NUP205: variants seen among roughly 807,000 people sequenced by gnomAD.
NUP205 encodes nuclear pore complex protein Nup205.
Under a neutral mutation model 253.8 loss-of-function variants are expected in NUP205, and 76 were observed. That is an observed-to-expected ratio of 0.30 (90% CI 0.25 to 0.36). NUP205 has a LOEUF of 0.36. Ranked by LOEUF, NUP205 falls within the 10% of genes least tolerant of loss-of-function variation. NUP205 has a pLI of 1.00. For synonymous variants in NUP205, 832 were observed against 850.1 expected (o/e 0.98, Z 0.37); for missense variants, 2,162 against 2,425.5 (o/e 0.89, Z 2.28).
At chr7:135,565,295 C>G (rs1805719977) in intron 1 of NUP205, among the ~76,000 whole-genome samples, 1 of 152,118 alleles carries the variant, frequency 6.6e-6, no homozygotes, top group African/African-American at 2.4e-5. Context: ...AGGTATATTT[C>G]AGATTTGCAT....
At chr7:135,583,766 A>G (rs997024122) in intron 7 of NUP205, among the ~76,000 whole-genome samples, 2 of 152,122 alleles carry the variant, frequency 1.3e-5, no homozygotes, top group Non-Finnish European at 2.9e-5. Context: ...CTCAAAAAAT[A>G]AAATAAAATA....
intron 13 of NUP205, among the ~76,000 whole-genome samples, chr7:135,596,406 G>C (rs1396777200): frequency 6.6e-6 from 1 of 152,150 alleles, no homozygotes; most frequent in Non-Finnish European, 1.5e-5. Flanking sequence ...ACCAATACTT[G>C]CTAGTGTCTT....
At chr7:135,629,902 A>G (rs1011535696) in intron 34 of NUP205, among the ~76,000 whole-genome samples, 7 of 152,210 alleles carry the variant, frequency 4.6e-5, no homozygotes, top group African/African-American at 1.7e-4. Flanking sequence ...TCCCCATGTC[A>G]TGCTAGTTAC....
At chr7:135,602,293 C>T (rs567817422) in intron 17 of NUP205, among the ~76,000 whole-genome samples, 5 of 152,264 alleles carry the variant, frequency 3.3e-5, no homozygotes, top group Non-Finnish European at 4.4e-5. Flanking sequence ...CTATTTTCTG[C>T]GTTATTTTCC....
chr7:135,634,754 T>C (rs1584689545), intron 35 of NUP205, among the ~76,000 whole-genome samples: 1 of 151,972 alleles, frequency 6.6e-6, no homozygotes, highest in Non-Finnish European at 1.5e-5. Context: ...CGGATAGAGG[T>C]ATAACGAGCC....
At chr7:135,590,382 G>T (rs1400642030) in intron 10 of NUP205, among the ~76,000 whole-genome samples, 4 of 152,074 alleles carry the variant, frequency 2.6e-5, no homozygotes, top group Non-Finnish European at 5.9e-5. Context: ...CCAAAGTGCT[G>T]CGATTACAGG....
Position 135,625,144 on chromosome 7 carries a change from T to G in NUP205, c.4480-20T>G. The G allele has an allele frequency of 1.2e-6, 2 of 1,600,396 alleles. No homozygotes were observed. On this transcript the variant is annotated intron_variant, in intron 31 of 42. Transcript: ENST00000285968. The stretch of plus-strand genomic sequence containing the variant: ...TGGTAGCATCTACATGTTTTGGACT[T>G]TAATTTATTCTTCCTTCAGATGCTG...
At position 135,587,648 on chromosome 7, in the gene NUP205, C is replaced by T; in HGVS notation, c.1292C>T (p.Pro431Leu). 5 of 1,609,806 alleles carry T rather than the reference C, an allele frequency of 3.1e-6. 1 individual carries two copies. Among genetic ancestry groups the T allele is most frequent in the Middle Eastern group, 3.3e-4 (2 of 6,036 alleles). The change falls in exon 9 of 43, where the codon CCC (proline) becomes CTC (leucine). Residue 431 changes from proline (P) to leucine (L), a missense_variant. Coordinates refer to ENST00000285968, the MANE Select transcript of NUP205 (RefSeq NM_015135.3). ...ATGAGTATGCAGATGGGTAATGAAC[C>T]CCCCATTTCACTTAGAAGGGACCTG... Reference protein sequence around the residue: ...IHMSMQMGNEPPISLRRDLEH... With the variant: ...IHMSMQMGNELPISLRRDLEH...
At position 135,573,639 on chromosome 7, in the gene NUP205, A is replaced by G. The variant is rs764819934; in HGVS notation, c.172-15A>G. On this transcript the variant is annotated splice_polypyrimidine_tract_variant and intron_variant, in intron 2 of 42. Coordinates refer to ENST00000285968, the MANE Select transcript of NUP205 (RefSeq NM_015135.3). ...GTGTGCTATTTTCATAACAATTACA[A>G]TTTTATCATTGTAGCCAAAAAATGT... 43 of 1,603,924 alleles carry G rather than the reference A, an allele frequency of 2.7e-5. No individual in the cohort carries two copies. The highest frequency in any genetic ancestry group is 5.4e-5 in the African/African-American group (4 of 74,376).
At chr7:135,613,707 T>C (rs1382018301) in intron 22 of NUP205, 1 of 152,006 alleles carries the variant, frequency 6.6e-6, no homozygotes, top group Non-Finnish European at 1.5e-5. Flanking sequence ...TGGCTAATTT[T>C]TGTATTTTTA....
intron 31 of NUP205, among the ~76,000 whole-genome samples, chr7:135,623,190 A>C (rs1382486420): frequency 6.6e-6 from 1 of 152,054 alleles, no homozygotes; most frequent in East Asian, 1.9e-4. Flanking sequence ...GAGGTGGGAA[A>C]ATTGCATGAG....
intron 10 of NUP205, 86 bp downstream of exon 10, chr7:135,588,078 T>C (rs1806522886): frequency 4.1e-6 from 5 of 1,205,954 alleles, no homozygotes; most frequent in Non-Finnish European, 5.6e-6. Context: ...CCTGATTTTA[T>C]TGCTGTTAAC....
chr7:135,561,547 A>C (rs935225943), intron 1 of NUP205, among the ~76,000 whole-genome samples: 2 of 152,154 alleles, frequency 1.3e-5, no homozygotes, highest in African/African-American at 4.8e-5. Context: ...AGACCTTTCT[A>C]CACTCTTCAA....
chr7:135,562,151 A>G (rs528438151), intron 1 of NUP205, among the ~76,000 whole-genome samples: 228 of 152,026 alleles, frequency 1.5e-3, no homozygotes, highest in African/African-American at 4.8e-3. Flanking sequence ...ACAGCTCTCA[A>G]TAGGGTTAAC....
intron 34 of NUP205, 97 bp from the exon 35 acceptor site, chr7:135,630,247 C>A: frequency 1.1e-6 from 1 of 877,932 alleles, no homozygotes; most frequent in African/African-American, 1.7e-5. Context: ...TTGAAGGTTA[C>A]TTCCTTCAAC....
At chr7:135,569,303 C>G (rs1443329947) in intron 1 of NUP205, among the ~76,000 whole-genome samples, 1 of 152,140 alleles carries the variant, frequency 6.6e-6, no homozygotes, top group East Asian at 1.9e-4. Context: ...AAACTCCTGA[C>G]CTCAGGTGAT....
chr7:135,596,419 G>A (rs1301137552), intron 13 of NUP205, among the ~76,000 whole-genome samples: 1 of 152,074 alleles, frequency 6.6e-6, no homozygotes, highest in Non-Finnish European at 1.5e-5. Flanking sequence ...AGTGTCTTAC[G>A]GGCTTAGTGC....
intron 30 of NUP205, among the ~76,000 whole-genome samples, chr7:135,620,742 A>G (rs527633842): frequency 5.9e-5 from 9 of 152,342 alleles, no homozygotes; most frequent in African/African-American, 2.2e-4. Flanking sequence ...AAAGATTCAA[A>G]TGAATGACCT....
In NUP205 at chr7:135,647,792, A is replaced by T. The variant is rs539080869; in HGVS notation, c.5887-612A>T. 2.0e-3 allele frequency among the ~76,000 whole-genome samples: 300 copies of T among 147,408 alleles called. 1 individual carries two copies. The highest frequency in any genetic ancestry group is 7.0e-3 in the African/African-American group (287 of 41,072). Reference sequence around the variant, plus strand: ...TTGTGATTTTAATGCAAAACTGAAAACAGGTAGATTGATCTAATATTGTAC... The same window carrying T: ...TTGTGATTTTAATGCAAAACTGAAATCAGGTAGATTGATCTAATATTGTAC... On this transcript the variant is annotated intron_variant, in intron 42 of 42. Transcript: ENST00000285968.
Sources: allele counts gnomAD v4.1 joint callset (sites outside exome capture counted in the v4.1 genomes callset), GRCh38; gene constraint gnomAD v4.1.1; transcripts MANE v1.5; gene names NCBI Gene and HGNC (gene_info 2026-07-23, HGNC 2026-07-21).